EIF3B: variants seen among roughly 807,000 people sequenced by gnomAD.
The protein encoded by EIF3B is eukaryotic translation initiation factor 3 subunit B.
EIF3B carries 10 observed loss-of-function variants against 104.6 expected under a neutral mutation model. That is an observed-to-expected ratio of 0.10 (90% CI 0.06 to 0.16). EIF3B has a LOEUF of 0.16. Among genes scored for constraint, EIF3B ranks in the 10% least tolerant of loss-of-function variants. The pLI is 1.00. For missense variants in EIF3B, 1,014 were observed against 1,087.9 expected, an observed-to-expected ratio of 0.93 and a Z score of 0.96; for synonymous variants, 542 against 417.2, an observed-to-expected ratio of 1.30 and a Z score of -3.65.
chr7:2,370,852 A>T (rs1009812155), intron 10 of EIF3B, among the ~76,000 whole-genome samples: 2 of 152,218 alleles, frequency 1.3e-5, no homozygotes, highest in African/African-American at 4.8e-5. Context: ...GAGGCGGGGC[A>T]TCACAAGGTC....
In EIF3B at chr7:2,355,381, A is replaced by G. The variant is rs1779354417; in HGVS notation, c.460A>G (p.Ser154Gly). ...CGGCGACGCGGACGAGCCCTCCTTC[A>G]GCGACCCCGAGGACTTCGTGGACGA... ...ENGDADEPSF[S>G]DPEDFVDDVS... The change falls in exon 1 of 19, where the codon AGC (serine) becomes GGC (glycine). Residue 154 changes from serine to glycine, a missense_variant. Physicochemically the swap from Ser to Gly is moderately conservative, Grantham distance 56 (BLOSUM62 0). Coordinates refer to ENST00000360876, the MANE Select transcript of EIF3B (RefSeq NM_001037283.2). The G allele has an allele frequency of 6.6e-7, 1 of 1,525,710 alleles. No homozygotes were observed. The highest frequency in any genetic ancestry group is 8.8e-7 in the Non-Finnish European group (1 of 1,142,038). The allele number at this position is 1,525,710 out of a possible 1,614,324, so 94.5% of individuals were successfully genotyped here. A position where few individuals can be genotyped will look rare whatever the true frequency, so the allele number is the denominator to read the frequency against.
At chr7:2,361,836 G>T (rs926891358) in intron 2 of EIF3B, among the ~76,000 whole-genome samples, 1 of 151,634 alleles carries the variant, frequency 6.6e-6, no homozygotes, top group Non-Finnish European at 1.5e-5. Context: ...GAGTGCAGTG[G>T]TGTGATCTCA....
chr7:2,368,212 G>T (rs1037613737), intron 9 of EIF3B, among the ~76,000 whole-genome samples: 1 of 152,058 alleles, frequency 6.6e-6, no homozygotes, highest in African/African-American at 2.4e-5. Flanking sequence ...GCGTGATCTC[G>T]GCTGACTGCA....
In EIF3B at chr7:2,377,021, C is replaced by T; in HGVS notation, c.2100C>T (p.Cys700=). 6.2e-7 allele frequency: 1 copy of T among 1,613,878 alleles called. No individual in the cohort carries two copies. The highest frequency in any genetic ancestry group is 8.5e-7 in the Non-Finnish European group (1 of 1,180,020). The change falls in exon 15 of 19, where the codon TGC becomes TGT. Residue 700 remains cysteine, a synonymous_variant. Coordinates refer to ENST00000360876, the MANE Select transcript of EIF3B (RefSeq NM_001037283.2). ...LLQKNNKDRF[C]QLLWRPRPPT... is the part of the protein sequence containing the mutation. ...AGAAGAACAACAAGGACCGCTTCTG[C>T]CAGCTGCTGTGGCGGCCCCGGCCTC...
rs1779317332 is a variant in EIF3B, at chr7:2,355,058, C to T, written c.137C>T (p.Ala46Val). ...GCGGGGCCCGGCGCTCCGGAGGCCG[C>T]GGGGACCGAGGCCTCCAGTGAGGAG... ...RPAGPGAPEA[A>V]GTEASSEEVG... The change falls in exon 1 of 19, where the codon GCG becomes GTG. Residue 46 changes from alanine to valine, a missense_variant. Physicochemically the swap from Ala to Val is moderately conservative, Grantham distance 64. This residue lies in a region of EIF3B where 488 missense variants were observed against 404.3 expected (regional missense o/e 1.21). Transcript: ENST00000360876. 8.1e-7 allele frequency: 1 copy of T among 1,227,872 alleles called. No individual in the cohort carries two copies. Among genetic ancestry groups the T allele is most frequent in the Admixed American group, 4.3e-5 (1 of 23,016 alleles). 76.1% of individuals were successfully genotyped at this position (1,227,872 alleles called of 1,614,324 possible). A position where few individuals can be genotyped will look rare whatever the true frequency, so the allele number is the denominator to read the frequency against.
intron 11 of EIF3B, chr7:2,372,074 G>C (rs1019422838): frequency 2.0e-6 from 1 of 507,936 alleles, no homozygotes; most frequent in African/African-American, 1.9e-5. Context: ...AGGTGTGGTG[G>C]TGCGCACCGA....
intron 18 of EIF3B, 73 bp from the exon 19 acceptor site, chr7:2,380,131 C>A (rs1020993788): frequency 1.2e-5 from 4 of 329,942 alleles, no homozygotes; most frequent in Admixed American, 8.2e-5. Flanking sequence ...ACGTCAGCCC[C>A]AAGGCGATGT....
rs547227099 is a variant in EIF3B at position 2,365,249 on chromosome 7, C to T, written c.1157+720C>T. Among the ~76,000 whole-genome samples, 172 of 152,304 alleles carry T rather than the reference C, an allele frequency of 1.1e-3. 1 individual carries two copies. The highest frequency in any genetic ancestry group is 3.9e-3 in the African/African-American group (161 of 41,576). ...ACAGGCGTGAGCCACCGCACCTGGC[C>T]GAGCCGTGATTTTTGATCTAGCTAA... On this transcript the variant is annotated intron_variant, in intron 6 of 18. Transcript: ENST00000360876.
Position 2,363,064 on chromosome 7 carries a change from C to T in EIF3B, c.813-6C>T, listed in dbSNP as rs756758385. Reference sequence around the variant, plus strand: ...GTGGGGCTCAGCAGTCTCCTTTCTTCTCCAGGTATATGACGATCAGTGACG... The same window carrying T: ...GTGGGGCTCAGCAGTCTCCTTTCTTTTCCAGGTATATGACGATCAGTGACG... On this transcript the variant is annotated splice_region_variant and splice_polypyrimidine_tract_variant and intron_variant, in intron 3 of 18. Transcript: ENST00000360876. 2 of 1,614,058 alleles carry T rather than the reference C, an allele frequency of 1.2e-6. No individual in the cohort carries two copies. Among genetic ancestry groups the T allele is most frequent in the Non-Finnish European group, 1.7e-6 (2 of 1,180,002 alleles).
At chr7:2,364,306 A>T (rs1344900550) in intron 5 of EIF3B, 66 bp from the exon 6 acceptor site, 3 of 1,387,514 alleles carry the variant, frequency 2.2e-6, no homozygotes, top group African/African-American at 3.0e-5. Flanking sequence ...GGATAAATTC[A>T]TTGTAGGAGG....
chr7:2,363,782 G>A, intron 5 of EIF3B, 22 bp downstream of exon 5: 1 of 1,608,254 alleles, frequency 6.2e-7, no homozygotes, highest in Non-Finnish European at 8.5e-7. Flanking sequence ...CTGCTGCTGG[G>A]GGCGGGGACT....
At chr7:2,356,463 G>A (rs1779447321) in intron 1 of EIF3B, among the ~76,000 whole-genome samples, 1 of 152,006 alleles carries the variant, frequency 6.6e-6, no homozygotes, top group Admixed American at 6.6e-5. Flanking sequence ...TTAGCCGGGC[G>A]TGGTGGCGGG....
rs138818534 is a variant in EIF3B at position 2,375,032 on chromosome 7, C to T, written c.1890-357C>T. On this transcript the variant is annotated intron_variant, in intron 13 of 18. Transcript: ENST00000360876. ...TCTCAGCTGTGTTCCAGCAGTGTGT[C>T]GAAATCATGGAGAAGCTTCCAGCTT... 1.5e-3 allele frequency: 507 copies of T among 337,354 alleles called. 1 individual carries two copies. The highest frequency in any genetic ancestry group is 9.8e-3 in the African/African-American group (473 of 48,484). The allele number at this position is 337,354 out of a possible 1,614,324, so 20.9% of individuals were successfully genotyped here. A position where few individuals can be genotyped will look rare whatever the true frequency, so the allele number is the denominator to read the frequency against.
At chr7:2,368,514 C>G (rs1780151316) in intron 9 of EIF3B, among the ~76,000 whole-genome samples, 2 of 152,234 alleles carry the variant, frequency 1.3e-5, no homozygotes, top group South Asian at 4.1e-4. Context: ...GGCTGCTCAG[C>G]ATTGGGCCCG....
chr7:2,372,231 T>G (rs1780390984), intron 11 of EIF3B: 2 of 237,458 alleles, frequency 8.4e-6, no homozygotes, highest in South Asian at 7.6e-5. Context: ...AGATTGAGCC[T>G]GTGTTCTTGT....
At chr7:2,379,081 A>G (rs1348548062) in intron 16 of EIF3B, 53 bp from the exon 17 acceptor site, 2 of 1,530,218 alleles carry the variant, frequency 1.3e-6, no homozygotes, top group Non-Finnish European at 1.8e-6. Context: ...GCTCTTCGCG[A>G]TGGGGAGGCA....
At chr7:2,368,587 G>A (rs748389045) in intron 9 of EIF3B, among the ~76,000 whole-genome samples, 3 of 152,240 alleles carry the variant, frequency 2.0e-5, no homozygotes, top group African/African-American at 2.4e-5. Flanking sequence ...TTCAAGGCCA[G>A]AGCCTTGAGT....
rs959783942 is a variant in EIF3B at position 2,355,263 on chromosome 7, C to G, written c.342C>G (p.Asp114Glu). 28 of 1,530,860 alleles carry G rather than the reference C, an allele frequency of 1.8e-5. No individual in the cohort carries two copies. The highest frequency in any genetic ancestry group is 1.9e-4 in the Middle Eastern group (1 of 5,228). 94.8% of individuals were successfully genotyped at this position (1,530,860 alleles called of 1,614,324 possible). The change falls in exon 1 of 19, where the codon GAC (aspartate) becomes GAG (glutamate). Residue 114 changes from aspartate (D) to glutamate (E), a missense_variant. This residue lies in a region of EIF3B where 488 missense variants were observed against 404.3 expected (regional missense o/e 1.21). Transcript: ENST00000360876. ...QGEAPGEQAR[D>E]ERSDSRAQAV... ...AGGCCCCAGGAGAGCAGGCTCGGGACGAGCGCTCCGACAGCCGGGCCCAGG... is the reference window on the plus strand; with the variant it reads ...AGGCCCCAGGAGAGCAGGCTCGGGAGGAGCGCTCCGACAGCCGGGCCCAGG...
At chr7:2,375,297 C>T (rs892894611) in intron 13 of EIF3B, 92 bp from the exon 14 acceptor site, 6 of 1,564,044 alleles carry the variant, frequency 3.8e-6, no homozygotes, top group Non-Finnish European at 5.3e-6. Context: ...AGGCTGGCTC[C>T]CTGGGGACCC....
Sources: allele counts gnomAD v4.1 joint callset (sites outside exome capture counted in the v4.1 genomes callset), GRCh38; gene constraint gnomAD v4.1.1; regional missense constraint gnomAD v4.1.1; transcripts MANE v1.5; gene names NCBI Gene and HGNC (gene_info 2026-07-23, HGNC 2026-07-21).